The following ZFHX3 variants were observed in gnomAD, a reference collection of about 807,000 sequenced individuals.
ZFHX3 encodes zinc finger homeobox protein 3.
In ZFHX3, 42 loss-of-function variants were observed where a neutral mutation model predicts 279.1. The observed-to-expected ratio is 0.15, with a 90% CI of 0.12 to 0.19. The LOEUF is 0.19. Ranked by LOEUF, ZFHX3 falls within the 10% of genes least tolerant of loss-of-function variation. ZFHX3 has a pLI of 1.00. For missense variants in ZFHX3, 4,981 were observed against 4,754.0 expected (o/e 1.05, Z -1.40); for synonymous variants, 2,293 against 1,957.8 (o/e 1.17, Z -4.52).
chr16:72,832,230 C>G (rs1240777024), intron 4 of ZFHX3, among the ~76,000 whole-genome samples: 1 of 152,178 alleles, frequency 6.6e-6, no homozygotes, highest in Non-Finnish European at 1.5e-5. Flanking sequence ...TCACCCAACA[C>G]TGACCCCAAT....
chr16:72,904,862 C>T (rs529089884), intron 3 of ZFHX3, among the ~76,000 whole-genome samples: 2 of 152,228 alleles, frequency 1.3e-5, no homozygotes, highest in South Asian at 2.1e-4. Context: ...ATGGGAGTCT[C>T]ACTCTGTCAC....
chr16:73,291,442 C>T (rs993491547), intron 4 of ZFHX3, among the ~76,000 whole-genome samples: 2 of 152,194 alleles, frequency 1.3e-5, no homozygotes, highest in African/African-American at 4.8e-5. Context: ...AGATTATACG[C>T]CAGTCCTCCA....
intron 3 of ZFHX3, among the ~76,000 whole-genome samples, chr16:73,340,939 GA>G (rs1390596653): frequency 2.0e-5 from 3 of 152,082 alleles, no homozygotes; most frequent in African/African-American, 7.2e-5. Context: ...AAAATTGCAT[GA>G]AAAAAACATC....
chr16:73,087,988 C>G (rs1414305126), intron 8 of ZFHX3, among the ~76,000 whole-genome samples: 1 of 152,060 alleles, frequency 6.6e-6, no homozygotes, highest in East Asian at 1.9e-4. Flanking sequence ...ACCACCACGC[C>G]TGGCTGATTT....
chr16:73,135,668 A>G (rs1177710704), intron 6 of ZFHX3, among the ~76,000 whole-genome samples: 1 of 152,172 alleles, frequency 6.6e-6, no homozygotes, highest in African/African-American at 2.4e-5. Flanking sequence ...TTGATTGCCA[A>G]CAATCAAAAT....
chr16:73,220,758 T>TTGTG (rs142252855), intron 5 of ZFHX3, among the ~76,000 whole-genome samples: 29 of 150,736 alleles, frequency 1.9e-4, no homozygotes, highest in African/African-American at 5.4e-4. Flanking sequence ...GTTGCATTCT[T>TTGTG]TGTGTGTGTG....
chr16:73,603,172 C>A (rs1357211767), intron 2 of ZFHX3, among the ~76,000 whole-genome samples: 1 of 151,266 alleles, frequency 6.6e-6, no homozygotes, highest in Non-Finnish European at 1.5e-5. Flanking sequence ...GTAGTCCCAG[C>A]TACTCAGGAG....
chr16:73,054,302 C>A lies in ZFHX3; in HGVS notation c.-24+4228G>T, dbSNP rs576366680. On this transcript the variant is annotated intron_variant, in intron 1 of 8. Coordinates refer to the ZFHX3 transcript ENST00000397992. Reference sequence around the variant, plus strand: ...GAAAAACAGAAGCTGAAAGTGGGCTCGCAGGGGACAGGACATTCGAGGTTC... The same window carrying A: ...GAAAAACAGAAGCTGAAAGTGGGCTAGCAGGGGACAGGACATTCGAGGTTC... 4.7e-4 allele frequency among the ~76,000 whole-genome samples: 72 copies of A among 152,174 alleles called. No homozygotes were observed. The South Asian group carries it at 7.3e-3, about 15-fold the overall frequency.
rs76656593 is a variant in ZFHX3 at position 73,722,622 on chromosome 16, G to C, written c.-1607-42382C>G. On this transcript the variant is annotated intron_variant, in intron 1 of 17. Coordinates refer to the ZFHX3 transcript ENST00000641206. ...AGAAAAGTGTACTTTTTTTTTCTAA[G>C]AGAGAACTAAATTGTAAAGGTGAGC... is the stretch of plus-strand genomic sequence containing the variant. 4.6e-5 allele frequency among the ~76,000 whole-genome samples: 7 copies of C among 152,032 alleles called. No individual in the cohort carries two copies. In the East Asian group the frequency reaches 1.4e-3, roughly 29 times the overall value.
chr16:73,237,575 T>C (rs2012992868), intron 5 of ZFHX3, among the ~76,000 whole-genome samples: 1 of 147,034 alleles, frequency 6.8e-6, no homozygotes, highest in Non-Finnish European at 1.5e-5. Context: ...TCTTGCTTTG[T>C]AGCTTGAGCT....
chr16:73,070,086 T>C (rs1965803745), intron 8 of ZFHX3, among the ~76,000 whole-genome samples: 1 of 152,186 alleles, frequency 6.6e-6, no homozygotes, highest in Non-Finnish European at 1.5e-5. Context: ...AATCCTTTCA[T>C]ACCATTTTTA....
chr16:73,340,069 C>T (rs891457780), intron 3 of ZFHX3, among the ~76,000 whole-genome samples: 1 of 152,150 alleles, frequency 6.6e-6, no homozygotes, highest in African/African-American at 2.4e-5. Flanking sequence ...GCAAGTAGAA[C>T]TCTGGGATCA....
rs370988671 is a variant in ZFHX3 at position 73,162,226 on chromosome 16, G to A, written c.-1103-18395C>T. On this transcript the variant is annotated intron_variant, in intron 5 of 17. Coordinates refer to the ZFHX3 transcript ENST00000641206. ...GCTGTTCCCCATCGCTTTCATTACC[G>A]CCTGAGCTCTGCCTCCTGCCAGACT... Among the ~76,000 whole-genome samples, 25 of 152,290 alleles carry A rather than the reference G, an allele frequency of 1.6e-4. 1 individual carries two copies. Among genetic ancestry groups the A allele is most frequent in the African/African-American group, 5.1e-4 (21 of 41,554 alleles).
upstream of ZFHX3, among the ~76,000 whole-genome samples, chr16:73,063,502 C>A (rs981570145): frequency 1.3e-5 from 2 of 152,202 alleles, no homozygotes; most frequent in African/African-American, 4.8e-5. Context: ...CCATCCAAGG[C>A]TCTGCCCTAA....
chr16:73,696,315 C>G (rs1010331682), intron 1 of ZFHX3, among the ~76,000 whole-genome samples: 1 of 151,984 alleles, frequency 6.6e-6, no homozygotes, highest in Non-Finnish European at 1.5e-5. Flanking sequence ...GGCAGAACAC[C>G]GTCAGGGTCT....
At chr16:72,848,237 C>CTAA (rs1477575331) in intron 4 of ZFHX3, among the ~76,000 whole-genome samples, 1 of 152,044 alleles carries the variant, frequency 6.6e-6, no homozygotes, top group Non-Finnish European at 1.5e-5. Context: ...GTTCCCTGCG[C>CTAA]TAAGCAGTTA....
At position 73,047,870 on chromosome 16, in the gene ZFHX3, C is replaced by T. The variant is rs1965357515; in HGVS notation, c.-168G>A. On this transcript the variant is annotated 5_prime_UTR_variant, in exon 1 of 10. It adds an upstream start codon to the 5' untranslated region. Transcript: ENST00000268489. ...GGCACCCGAGCCCCGAGCTCACCCA[C>T]CCCAGGCGGCATGCTCCCCACCTCC... The T allele has an allele frequency of 6.6e-6, 1 of 152,402 alleles. No individual in the cohort carries two copies. Among genetic ancestry groups the T allele is most frequent in the South Asian group, 2.1e-4 (1 of 4,838 alleles). 9.4% of individuals were successfully genotyped at this position (152,402 alleles called of 1,614,324 possible).
chr16:73,580,870 G>C (rs1326719094), intron 2 of ZFHX3, among the ~76,000 whole-genome samples: 1 of 151,794 alleles, frequency 6.6e-6, no homozygotes, highest in Non-Finnish European at 1.5e-5. Context: ...TGACCCATTA[G>C]ACTTTATAGT....
chr16:73,421,551 C>A (rs2017719168), intron 3 of ZFHX3, among the ~76,000 whole-genome samples: 1 of 152,126 alleles, frequency 6.6e-6, no homozygotes, highest in African/African-American at 2.4e-5. Context: ...AACATCCATA[C>A]CATAGTGATA....
Sources: allele counts gnomAD v4.1 joint callset (sites outside exome capture counted in the v4.1 genomes callset), GRCh38; gene constraint gnomAD v4.1.1; transcripts MANE v1.5; gene names NCBI Gene and HGNC (gene_info 2026-07-23, HGNC 2026-07-21).